PLXNA2: variants seen among roughly 807,000 people sequenced by gnomAD.
The protein encoded by PLXNA2 is plexin A2, also known as plexin-A2.
A neutral mutation model predicts 193.5 loss-of-function variants in PLXNA2; 91 were observed. The ratio of observed to expected loss-of-function variants is 0.47; its 90% CI spans 0.40 to 0.56. The LOEUF (loss-of-function observed/expected upper bound fraction) is 0.56. Among genes scored for constraint, PLXNA2 ranks in the 20% least tolerant of loss-of-function variants. The pLI, the probability that PLXNA2 is intolerant of heterozygous loss-of-function variation, is 0.00. For synonymous variants in PLXNA2, 997 were observed against 1,027.3 expected (o/e 0.97, Z 0.56); for missense variants, 1,995 against 2,503.2 (o/e 0.80, Z 4.33).
chr1:208,056,528 C>T (rs1665436493), intron 13 of PLXNA2, among the ~76,000 whole-genome samples: 1 of 152,170 alleles, frequency 6.6e-6, no homozygotes, highest in Non-Finnish European at 1.5e-5. Context: ...TGGTCAGCTG[C>T]CCCTGTGTGG....
chr1:208,130,378 G>T (rs374231227), intron 4 of PLXNA2, among the ~76,000 whole-genome samples: 66 of 152,266 alleles, frequency 4.3e-4, no homozygotes, highest in African/African-American at 1.5e-3. Context: ...CACTAACATA[G>T]TGAAGACACT....
chr1:208,155,810 T>C (rs922755157), intron 3 of PLXNA2, among the ~76,000 whole-genome samples: 1 of 151,236 alleles, frequency 6.6e-6, no homozygotes, highest in Non-Finnish European at 1.5e-5. Flanking sequence ...TGTGGTGGGG[T>C]GTGCAGGGGA....
intron 12 of PLXNA2, among the ~76,000 whole-genome samples, chr1:208,065,798 C>A (rs1315603076): frequency 6.6e-6 from 1 of 152,166 alleles, no homozygotes; most frequent in African/African-American, 2.4e-5. Context: ...TGCACAGAAG[C>A]AGATTCAGAG....
intron 4 of PLXNA2, among the ~76,000 whole-genome samples, chr1:208,137,380 T>C (rs1273101482): frequency 6.6e-6 from 1 of 152,238 alleles, no homozygotes; most frequent in Non-Finnish European, 1.5e-5. Flanking sequence ...TTTATACTCC[T>C]TTTCTAGGAG....
At position 208,038,682 on chromosome 1, in the gene PLXNA2, G is replaced by A. The variant is rs1173842550; in HGVS notation, c.4660+143C>T. On this transcript the variant is annotated intron_variant, in intron 25 of 31. Transcript: ENST00000367033. The surrounding 1 kb of genome is among the most constrained non-coding windows in gnomAD (Gnocchi z 4.1). Reference sequence around the variant, plus strand: ...CCCAGAGACAGCCACATCTGAACAGGCAGCGCTCAAAGCGGGAAGCATTTC... The same window carrying A: ...CCCAGAGACAGCCACATCTGAACAGACAGCGCTCAAAGCGGGAAGCATTTC... 5 of 905,658 alleles carry A rather than the reference G, an allele frequency of 5.5e-6. No individual in the cohort carries two copies. Among genetic ancestry groups the A allele is most frequent in the African/African-American group, 1.6e-5 (1 of 60,812 alleles). The allele number at this position is 905,658 out of a possible 1,614,324, so 56.1% of individuals were successfully genotyped here.
Position 208,216,832 on chromosome 1 carries a change from T to G in PLXNA2, c.1091A>C (p.Asn364Thr). The part of the protein sequence containing the change: ...ALCAFPIRAI[N>T]LQIKERLQSC... ...CTGCAGGCGCTCCTTGATCTGCAAG[T>G]TGATGGCCCGGATAGGGAAGGCACA... is the stretch of plus-strand genomic sequence containing the variant. The change falls in exon 2 of 32, where the codon AAC (asparagine) becomes ACC (threonine). Residue 364 changes from asparagine to threonine, a missense_variant. Transcript: ENST00000367033. 1.2e-6 allele frequency: 2 copies of G among 1,614,190 alleles called. No homozygotes were observed. The highest frequency in any genetic ancestry group is 1.3e-5 in the African/African-American group (1 of 75,060).
intron 1 of PLXNA2, among the ~76,000 whole-genome samples, chr1:208,237,751 G>A (rs1404348597): frequency 6.6e-6 from 1 of 152,146 alleles, no homozygotes. Flanking sequence ...CACTTCCTCT[G>A]ACCCCCTAGT....
At chr1:208,167,010 A>AGAGCTT (rs1171782126) in intron 3 of PLXNA2, among the ~76,000 whole-genome samples, 3 of 152,218 alleles carry the variant, frequency 2.0e-5, no homozygotes, top group Admixed American at 6.5e-5. Context: ...AATAGAGAGC[A>AGAGCTT]GAGCTTGGGG....
chr1:208,159,978 G>A (rs1008873371), intron 3 of PLXNA2, among the ~76,000 whole-genome samples: 3 of 152,146 alleles, frequency 2.0e-5, no homozygotes, highest in Non-Finnish European at 2.9e-5. Flanking sequence ...CATGGGGGAG[G>A]GAGCCAGGCC....
chr1:208,238,111 G>T (rs887039505), intron 1 of PLXNA2, among the ~76,000 whole-genome samples: 5 of 152,154 alleles, frequency 3.3e-5, no homozygotes, highest in African/African-American at 9.7e-5. Flanking sequence ...CTCCAAGAGG[G>T]CTGGGAGGTG....
intron 3 of PLXNA2, among the ~76,000 whole-genome samples, chr1:208,164,306 T>C (rs947827650): frequency 5.3e-5 from 8 of 152,170 alleles, no homozygotes; most frequent in Non-Finnish European, 8.8e-5. Context: ...AACATCTACC[T>C]GAGGAGGCGG....
chr1:208,028,718 G>T lies in PLXNA2; in HGVS notation c.5438+112C>A. 1.0e-6 allele frequency: 1 copy of T among 966,338 alleles called. No individual in the cohort carries two copies. The allele number at this position is 966,338 out of a possible 1,614,324, so 59.9% of individuals were successfully genotyped here. ...GGTGTGGCAGGGAGGGGAGTGGGAGGTCCTGAAGAGATGACAGACACCGTC... is the reference window on the plus strand; with the variant it reads ...GGTGTGGCAGGGAGGGGAGTGGGAGTTCCTGAAGAGATGACAGACACCGTC... On this transcript the variant is annotated intron_variant, in intron 30 of 31. Coordinates refer to ENST00000367033, the MANE Select transcript of PLXNA2 (RefSeq NM_025179.4). The surrounding 1 kb of genome is among the most constrained non-coding windows in gnomAD (Gnocchi z 4.2).
intron 13 of PLXNA2, among the ~76,000 whole-genome samples, chr1:208,059,383 T>C (rs753641590): frequency 7.2e-5 from 11 of 152,250 alleles, no homozygotes; most frequent in Non-Finnish European, 1.3e-4. Context: ...CTGAAGGATC[T>C]GAGAGATCAG....
intron 12 of PLXNA2, among the ~76,000 whole-genome samples, chr1:208,069,380 G>A (rs1183095017): frequency 2.6e-5 from 4 of 152,206 alleles, no homozygotes; most frequent in Non-Finnish European, 1.5e-5. Context: ...ACCCTGTCAT[G>A]TTTGTTTTCC....
At chr1:208,034,436 T>C in intron 27 of PLXNA2, 57 bp downstream of exon 27, 3 of 1,128,796 alleles carry the variant, frequency 2.7e-6, no homozygotes, top group Non-Finnish European at 4.1e-6. Context: ...GAGTGGGCCC[T>C]GCTAGGTCTC....
Position 208,051,270 on chromosome 1 carries a change from C to T in PLXNA2, c.3147G>A (p.Glu1049=), listed in dbSNP as rs1285211690. ...TTCCACCTCACCTGGCAATGCTCCA[C>T]TCTGGCTCGATGCGCTGGACCCGAG... ...DDPRVQRIEP[E]WSIASGHTPL... is the part of the protein sequence containing the mutation. The change falls in exon 16 of 32, where the codon GAG becomes GAA. Residue 1049 remains glutamate, a synonymous_variant. Transcript: ENST00000367033. 1 of 1,610,440 alleles carries T rather than the reference C, an allele frequency of 6.2e-7. No individual in the cohort carries two copies. Among genetic ancestry groups the T allele is most frequent in the Non-Finnish European group, 8.5e-7 (1 of 1,177,790 alleles).
Position 208,209,155 on chromosome 1 carries a change from C to G in PLXNA2, c.1371+1125G>C, listed in dbSNP as rs1670842141. 2.0e-5 allele frequency among the ~76,000 whole-genome samples: 3 copies of G among 152,122 alleles called. No individual in the cohort carries two copies. The South Asian group carries it at 6.2e-4, about 32-fold the overall frequency. On this transcript the variant is annotated intron_variant, in intron 3 of 31. Coordinates refer to ENST00000367033, the MANE Select transcript of PLXNA2 (RefSeq NM_025179.4). The stretch of plus-strand genomic sequence containing the variant: ...AGCAAGTGAGGAAATGGTTAAATAT[C>G]TTTGGTATCATGAGAACCAGAAGAA...
chr1:208,224,947 A>G (rs1046037720), intron 1 of PLXNA2, among the ~76,000 whole-genome samples: 1 of 152,176 alleles, frequency 6.6e-6, no homozygotes, highest in Admixed American at 6.5e-5. Context: ...ATAACCAAGG[A>G]GTAAGAGATG....
At chr1:208,156,008 G>A (rs906477878) in intron 3 of PLXNA2, among the ~76,000 whole-genome samples, 1 of 152,254 alleles carries the variant, frequency 6.6e-6, no homozygotes, top group Non-Finnish European at 1.5e-5. Context: ...AAGGAAAGGA[G>A]AGCCTATGTG....
Sources: allele counts gnomAD v4.1 joint callset (sites outside exome capture counted in the v4.1 genomes callset), GRCh38; gene constraint gnomAD v4.1.1; non-coding constraint Gnocchi (gnomAD v3.1); transcripts MANE v1.5; gene names NCBI Gene and HGNC (gene_info 2026-07-23, HGNC 2026-07-21).